The following LACTB variants were observed in gnomAD, a reference collection of about 807,000 sequenced individuals.
LACTB encodes the protein lactamase beta.
A neutral mutation model predicts 50.2 loss-of-function variants in LACTB; 35 were observed. The ratio of observed to expected loss-of-function variants is 0.70; its 90% confidence interval spans 0.53 to 0.92. LACTB has a LOEUF of 0.92. Among genes scored for constraint, LACTB ranks in the 40% least tolerant of loss-of-function variants. The probability of loss-of-function intolerance (pLI) is 0.00; values close to 1 mark genes in which losing one functional copy is unlikely to be tolerated. For synonymous variants in LACTB, 252 were observed against 268.2 expected, an observed-to-expected ratio of 0.94 and a Z score of 0.59; for missense variants, 664 against 691.8, an observed-to-expected ratio of 0.96 and a Z score of 0.45.
rs750598000 is a variant in LACTB, at chr15:63,141,345, G to T, written c.1184G>T (p.Trp395Leu). 1 of 1,614,144 alleles carries T rather than the reference G, an allele frequency of 6.2e-7. No individual in the cohort carries two copies. Among genetic ancestry groups the T allele is most frequent in the South Asian group, 1.1e-5 (1 of 91,074 alleles). The change falls in exon 6 of 6, where the codon TGG (tryptophan) becomes TTG (leucine). Residue 395 changes from tryptophan to leucine, a missense_variant. By Grantham distance (61) the Trp-to-Leu change is moderately conservative. Transcript: ENST00000261893. The part of the protein sequence containing the change: ...NTPYVDNSYK[W>L]AGGGFLSTVG... Reference sequence around the variant, plus strand: ...CCTTACGTGGATAACTCCTATAAATGGGCTGGTGGTGGATTTCTGTCTACA... The same window carrying T: ...CCTTACGTGGATAACTCCTATAAATTGGCTGGTGGTGGATTTCTGTCTACA...
At chr15:63,134,383 C>A (rs2037157485) in intron 5 of LACTB, among the ~76,000 whole-genome samples, 1 of 152,108 alleles carries the variant, frequency 6.6e-6, no homozygotes, top group Non-Finnish European at 1.5e-5. Flanking sequence ...TGCAGCATTC[C>A]TGAGGTGAGC....
At chr15:63,131,441 A>G (rs2037132351) in intron 5 of LACTB, 1 of 152,230 alleles carries the variant, frequency 6.6e-6, no homozygotes, top group Non-Finnish European at 1.5e-5. Context: ...ATAAAACTGT[A>G]ACAGTAAATG....
At chr15:63,140,316 C>T (rs1429642931) in intron 5 of LACTB, among the ~76,000 whole-genome samples, 1 of 152,070 alleles carries the variant, frequency 6.6e-6, no homozygotes, top group Non-Finnish European at 1.5e-5. Context: ...TAGGATTTAG[C>T]ATCTTACTGG....
intron 5 of LACTB, 131 bp downstream of exon 5, chr15:63,129,781 G>C: frequency 8.0e-7 from 1 of 1,244,738 alleles, no homozygotes; most frequent in South Asian, 2.6e-5. Flanking sequence ...CTACATGTCT[G>C]TTTTCTCATC....
intron 5 of LACTB, among the ~76,000 whole-genome samples, chr15:63,133,848 C>T (rs1187098353): frequency 6.6e-6 from 1 of 152,120 alleles, no homozygotes; most frequent in African/African-American, 2.4e-5. Flanking sequence ...ACAGTATTAG[C>T]AAATGCGATA....
intron 2 of LACTB, among the ~76,000 whole-genome samples, chr15:63,123,007 C>T (rs530911464): frequency 6.6e-6 from 1 of 152,276 alleles, no homozygotes; most frequent in East Asian, 1.9e-4. Flanking sequence ...CCAAGACCCT[C>T]AGTGGATGCC....
rs754787506 is a variant in LACTB, at chr15:63,141,399, C to T, written c.1238C>T (p.Ala413Val). The T allele has an allele frequency of 1.7e-5, 27 of 1,614,120 alleles. No homozygotes were observed. In the Middle Eastern group the frequency reaches 6.6e-4, roughly 39 times the overall value. ...GGTGACCTTCTGAAATTTGGGAATG[C>T]AATGCTTTATGGTTACCAAGTTGGG... is the stretch of plus-strand genomic sequence containing the variant. ...TVGDLLKFGNAMLYGYQVGLF... is the reference protein window; with the variant it reads ...TVGDLLKFGNVMLYGYQVGLF... The change falls in exon 6 of 6, where the codon GCA (alanine) becomes GTA (valine). Residue 413 changes from alanine (A) to valine (V), a missense_variant. Coordinates refer to ENST00000261893, the MANE Select transcript of LACTB (RefSeq NM_032857.5).
At chr15:63,134,173 A>G (rs1161365361) in intron 5 of LACTB, among the ~76,000 whole-genome samples, 2 of 151,968 alleles carry the variant, frequency 1.3e-5, no homozygotes, top group Non-Finnish European at 2.9e-5. Flanking sequence ...TGTATGTCCA[A>G]TTATTGAGTT....
rs1422502275 is a variant in LACTB, at chr15:63,135,939, C to T, written c.1119-5341C>T. On this transcript the variant is annotated intron_variant, in intron 5 of 5. Transcript: ENST00000261893. ...TAAGTCTCTGTGAATGTGCAGACTG[C>T]AGAGCAGCTATTATTTCCTGTTTTC... Among the ~76,000 whole-genome samples the T allele has an allele frequency of 3.9e-5, 6 of 152,216 alleles. No homozygotes were observed. The East Asian group carries it at 1.2e-3, about 29-fold the overall frequency.
chr15:63,134,839 T>TG (rs1566992748), intron 5 of LACTB, among the ~76,000 whole-genome samples: 13 of 150,912 alleles, frequency 8.6e-5, no homozygotes, highest in South Asian at 8.4e-4. Context: ...TGTGTGTGTG[T>TG]TTTCATTCAG....
chr15:63,130,254 C>G (rs1287542034), intron 5 of LACTB: 4 of 152,388 alleles, frequency 2.6e-5, no homozygotes, highest in African/African-American at 9.6e-5. Flanking sequence ...CCTGTAATCC[C>G]AACACTTTGG....
chr15:63,130,894 A>G (rs547002333), intron 5 of LACTB: 1 of 152,338 alleles, frequency 6.6e-6, no homozygotes, highest in East Asian at 1.9e-4. Context: ...TAGTTTTAGC[A>G]TCTATCAGTG....
chr15:63,134,509 G>T (rs150220115), intron 5 of LACTB, among the ~76,000 whole-genome samples: 1 of 152,238 alleles, frequency 6.6e-6, no homozygotes, highest in East Asian at 1.9e-4. Flanking sequence ...AGCCCTGCAG[G>T]TGCCCCAGCC....
chr15:63,127,801 A>G, intron 4 of LACTB, 112 bp downstream of exon 4: 7 of 750,130 alleles, frequency 9.3e-6, no homozygotes, highest in Non-Finnish European at 1.5e-5. Flanking sequence ...TGATTGTGAT[A>G]CGGACTAGTC....
intron 5 of LACTB, among the ~76,000 whole-genome samples, chr15:63,136,575 ATTTAT>A (rs1325614029): frequency 6.6e-6 from 1 of 151,980 alleles, no homozygotes; most frequent in Non-Finnish European, 1.5e-5. Flanking sequence ...TGTTTGCTTT[ATTTAT>A]TTTATTTGAT....
intron 5 of LACTB, among the ~76,000 whole-genome samples, chr15:63,140,327 ATGTGAGAGT>A (rs1432326116): frequency 6.6e-6 from 1 of 152,194 alleles, no homozygotes; most frequent in Non-Finnish European, 1.5e-5. Context: ...ATCTTACTGG[ATGTGAGAGT>A]TTAGGGCAAG....
chr15:63,127,314 G>C (rs1404312517), intron 3 of LACTB, 39 bp from the exon 4 acceptor site: 1 of 1,416,806 alleles, frequency 7.1e-7, no homozygotes, highest in Non-Finnish European at 9.6e-7. Flanking sequence ...TATTTTTCAG[G>C]TTAATATTGT....
intron 5 of LACTB, chr15:63,130,151 T>G (rs2037110525): frequency 6.6e-6 from 1 of 152,298 alleles, no homozygotes; most frequent in East Asian, 1.9e-4. Context: ...CATTTGGAAA[T>G]AAGTTGTAGA....
At chr15:63,133,961 GA>G (rs746747449) in intron 5 of LACTB, among the ~76,000 whole-genome samples, 81 of 152,278 alleles carry the variant, frequency 5.3e-4, no homozygotes, top group Middle Eastern at 6.8e-3. Context: ...CTTTAATTCA[GA>G]AAGAACAAAA....
Sources: allele counts gnomAD v4.1 joint callset (sites outside exome capture counted in the v4.1 genomes callset), GRCh38; gene constraint gnomAD v4.1.1; transcripts MANE v1.5; gene names NCBI Gene and HGNC (gene_info 2026-07-23, HGNC 2026-07-21).